SUN1: variants seen among roughly 807,000 people sequenced by gnomAD.
The protein encoded by SUN1 is Sad1 and UNC84 domain containing 1.
SUN1 carries 61 observed loss-of-function variants against 103.2 expected under a neutral mutation model. The ratio of observed to expected loss-of-function variants is 0.59; its 90% CI spans 0.48 to 0.73. The LOEUF (loss-of-function observed/expected upper bound fraction) is 0.73. SUN1 is among the 30% of genes least tolerant of loss of function. The probability of loss-of-function intolerance (pLI) is 0.00; values close to 1 mark genes in which losing one functional copy is unlikely to be tolerated. For missense variants in SUN1, 1,052 were observed against 1,034.6 expected (o/e 1.02, Z -0.23); for synonymous variants, 490 against 425.7 (o/e 1.15, Z -1.86).
In SUN1 at chr7:852,779, C is replaced by A. The variant is rs115718861; in HGVS notation, c.911-31C>A. 4,695 of 1,610,362 alleles carry A rather than the reference C, an allele frequency of 2.9e-3. 113 individuals are homozygous for A. The African/African-American group carries it at 0.054, about 18-fold the overall frequency. ...CCATGTTTTGAGAAGCGTGGTGTAC[C>A]TGTGTGTGTGTGGTGGCTCTTCTCT... On this transcript the variant is annotated intron_variant, in intron 8 of 18. Coordinates refer to ENST00000401592, the MANE Select transcript of SUN1 (RefSeq NM_001130965.3).
chr7:830,138 G>T (rs1021487186), upstream of SUN1, among the ~76,000 whole-genome samples: 9 of 152,244 alleles, frequency 5.9e-5, no homozygotes, highest in Non-Finnish European at 1.0e-4. Context: ...AGACTGCAGG[G>T]TGGGGAGGGG....
chr7:862,981 A>G (rs1833373170), intron 15 of SUN1, among the ~76,000 whole-genome samples: 1 of 152,120 alleles, frequency 6.6e-6, no homozygotes, highest in Non-Finnish European at 1.5e-5. Flanking sequence ...TCTCTACTAA[A>G]AATACAAAAA....
At chr7:864,530 G>A (rs1834760165) in intron 15 of SUN1, among the ~76,000 whole-genome samples, 1 of 147,208 alleles carries the variant, frequency 6.8e-6, no homozygotes, top group Non-Finnish European at 1.5e-5. Flanking sequence ...CTCCAGCCTG[G>A]GCAACAAGAG....
intron 2 of SUN1, among the ~76,000 whole-genome samples, chr7:841,136 T>G (rs1264815382): frequency 6.6e-6 from 1 of 152,004 alleles, no homozygotes; most frequent in Non-Finnish European, 1.5e-5. Context: ...TTTCTCCATG[T>G]TGGTCAGGCT....
At position 872,489 on chromosome 7, in the gene SUN1, A is replaced by C. The variant is rs534832884; in HGVS notation, c.2168A>C (p.Gln723Pro). The C allele has an allele frequency of 3.7e-6, 6 of 1,604,348 alleles. No individual in the cohort carries two copies. In the Admixed American group the frequency reaches 1.0e-4, roughly 27 times the overall value. The change falls in exon 18 of 19, where the codon CAG (glutamine) becomes CCG (proline). Residue 723 changes from glutamine to proline, a missense_variant. Around this residue, in one of 2 missense-constraint regions of SUN1, gnomAD observed 206 missense variants for 260.1 expected, o/e 0.79. Transcript: ENST00000401592. The stretch of plus-strand genomic sequence containing the variant: ...TTTCAGGGATTAGAAAATGAGTATC[A>C]GGAAGAAGGGCAGCTTCTGGGACAG... The part of the protein sequence containing the change: ...FAVYGLENEY[Q>P]EEGQLLGQFT...
chr7:839,906 A>G (rs1015167761), intron 2 of SUN1, among the ~76,000 whole-genome samples: 3 of 152,224 alleles, frequency 2.0e-5, no homozygotes, highest in Non-Finnish European at 4.4e-5. Context: ...TGACAAATAC[A>G]TAAAGTTTAG....
chr7:830,984 C>T (rs1455183550), upstream of SUN1: 1 of 985,342 alleles, frequency 1.0e-6, no homozygotes, highest in Non-Finnish European at 1.2e-6. Flanking sequence ...TGGAGGGTAG[C>T]CTACATTGGA....
chr7:853,144 A>T (rs79214333), intron 9 of SUN1, 192 bp downstream of exon 9: 2 of 790,188 alleles, frequency 2.5e-6, no homozygotes, highest in Non-Finnish European at 3.9e-6. Context: ...AAGTACTCTC[A>T]TGATTCAGTT....
chr7:850,767 T>TAAAAAAAAAAAAAAA (rs771076592), intron 5 of SUN1: 1 of 125,590 alleles, frequency 8.0e-6, no homozygotes, highest in Non-Finnish European at 1.6e-5. Context: ...TCTCTTAAAT[T>TAAAAAAAAAAAAAAA]AAAAAAAAAA....
intron 5 of SUN1, among the ~76,000 whole-genome samples, chr7:848,208 G>A (rs1818398004): frequency 6.6e-6 from 1 of 151,876 alleles, no homozygotes; most frequent in South Asian, 2.1e-4. Flanking sequence ...GGGTTACTCT[G>A]CAGTCCAGTC....
At chr7:827,764 C>T (rs949140082), upstream of SUN1, among the ~76,000 whole-genome samples, 1 of 152,082 alleles carries the variant, frequency 6.6e-6, no homozygotes, top group Middle Eastern at 3.4e-3. Flanking sequence ...CCGTGCCTGG[C>T]CTAAAATCCA....
chr7:830,209 G>A (rs10246200), upstream of SUN1, among the ~76,000 whole-genome samples: 94,233 of 152,118 alleles, frequency 0.62, 29,205 homozygotes, highest in East Asian at 0.64. Context: ...GTGGGAGAGC[G>A]CAGAGCACCT....
chr7:835,389 A>G (rs1802089865), intron 1 of SUN1, among the ~76,000 whole-genome samples: 1 of 152,272 alleles, frequency 6.6e-6, no homozygotes, highest in African/African-American at 2.4e-5. Context: ...ATATATTTAA[A>G]ATAACCCAAA....
intron 1 of SUN1, among the ~76,000 whole-genome samples, chr7:838,594 A>G (rs1271956066): frequency 6.6e-6 from 1 of 152,172 alleles, no homozygotes; most frequent in Non-Finnish European, 1.5e-5. Context: ...GATGTGAAGG[A>G]AGAGTGGCTG....
chr7:830,727 T>G (rs1797130855), upstream of SUN1, among the ~76,000 whole-genome samples: 1 of 152,194 alleles, frequency 6.6e-6, no homozygotes, highest in South Asian at 2.1e-4. Context: ...GGAGTGGATG[T>G]CCATAGAACT....
intron 1 of SUN1, among the ~76,000 whole-genome samples, chr7:819,461 T>G (rs1783998943): frequency 6.6e-6 from 1 of 152,212 alleles, no homozygotes; most frequent in Non-Finnish European, 1.5e-5. Flanking sequence ...CTTTAAGAGT[T>G]TATCATTTTA....
intron 5 of SUN1, among the ~76,000 whole-genome samples, chr7:844,743 G>T (rs1216656324): frequency 6.6e-6 from 1 of 152,210 alleles, no homozygotes; most frequent in Non-Finnish European, 1.5e-5. Flanking sequence ...GCCAGGCACT[G>T]TTCATGGGTG....
chr7:836,228 G>A (rs1283870577), intron 1 of SUN1, among the ~76,000 whole-genome samples: 2 of 152,164 alleles, frequency 1.3e-5, no homozygotes, highest in African/African-American at 4.8e-5. Flanking sequence ...ACGAGGAAGG[G>A]CCTCCTGCAG....
chr7:830,080 TC>T (rs1796529103), upstream of SUN1, among the ~76,000 whole-genome samples: 1 of 152,234 alleles, frequency 6.6e-6, no homozygotes, highest in Non-Finnish European at 1.5e-5. Flanking sequence ...TTTAAAATGA[TC>T]CGTGTCGTGG....
Sources: gnomAD v4.1 joint callset for allele counts (sites outside exome capture counted in the v4.1 genomes callset) on GRCh38, gnomAD v4.1.1 for gene constraint, gnomAD v4.1.1 regional missense constraint, MANE v1.5 for transcripts, NCBI Gene and HGNC (gene_info 2026-07-23, HGNC 2026-07-21) for gene names.